ARMH4: variants seen among roughly 807,000 people sequenced by gnomAD.
The protein encoded by ARMH4 is armadillo like helical domain containing 4.
A neutral mutation model predicts 61.9 loss-of-function variants in ARMH4; 49 were observed. The ratio of observed to expected loss-of-function variants is 0.79; its 90% CI spans 0.63 to 1.00. ARMH4 has a LOEUF of 1.00. ARMH4 is among the 50% of genes least tolerant of loss of function. The probability of loss-of-function intolerance (pLI) is 0.00; values close to 1 mark genes in which losing one functional copy is unlikely to be tolerated. For missense variants in ARMH4, 934 were observed against 930.0 expected, an observed-to-expected ratio of 1.00 and a Z score of -0.06; for synonymous variants, 368 against 341.5, an observed-to-expected ratio of 1.08 and a Z score of -0.85.
intron 5 of ARMH4, among the ~76,000 whole-genome samples, chr14:58,082,872 C>A (rs746475152): frequency 3.9e-5 from 6 of 152,152 alleles, no homozygotes; most frequent in Non-Finnish European, 5.9e-5. Flanking sequence ...ACTGCCATCA[C>A]CCCCTGCCCC....
At chr14:58,148,685 C>A (rs773325290) in intron 1 of ARMH4, among the ~76,000 whole-genome samples, 1 of 152,056 alleles carries the variant, frequency 6.6e-6, no homozygotes, top group Non-Finnish European at 1.5e-5. Context: ...TTATTTTGTA[C>A]TGTAAGATTT....
At chr14:58,136,107 A>G (rs900981058) in intron 2 of ARMH4, among the ~76,000 whole-genome samples, 1 of 152,178 alleles carries the variant, frequency 6.6e-6, no homozygotes, top group African/African-American at 2.4e-5. Context: ...TTGAAAACAT[A>G]TTTATCGAGT....
intron 4 of ARMH4, among the ~76,000 whole-genome samples, chr14:58,127,705 G>A (rs1312117858): frequency 6.6e-6 from 1 of 152,112 alleles, no homozygotes; most frequent in Non-Finnish European, 1.5e-5. Flanking sequence ...TTGCAGAAGA[G>A]CTAACCCAGA....
intron 5 of ARMH4, among the ~76,000 whole-genome samples, chr14:58,022,799 C>T (rs1882886864): frequency 6.6e-6 from 1 of 152,172 alleles, no homozygotes. Flanking sequence ...TACATTAAAA[C>T]CAACCACAGA....
intron 5 of ARMH4, among the ~76,000 whole-genome samples, chr14:58,095,159 G>T (rs953013411): frequency 6.6e-6 from 1 of 152,100 alleles, no homozygotes; most frequent in African/African-American, 2.4e-5. Context: ...ACAATCCAGG[G>T]TAGATGCCAT....
rs1463212614 is a variant in ARMH4, at chr14:58,131,519, T to C, written c.1824A>G (p.Glu608=). ...CCTTCAAAGCATGAATACCTTCAGA[T>C]TCAAGTTGGTCCAGGCCATATGAGG... ...TAASYGLDQL[E]SEEGQEDEDE... is the part of the protein sequence containing the mutation. The change falls in exon 4 of 8, where the codon GAA becomes GAG. Residue 608 remains glutamate (E), a synonymous_variant. Coordinates refer to ENST00000267485, the MANE Select transcript of ARMH4 (RefSeq NM_001001872.4). The C allele has an allele frequency of 3.1e-6, 5 of 1,613,342 alleles. No homozygotes were observed. The highest frequency in any genetic ancestry group is 1.1e-5 in the South Asian group (1 of 91,022).
At chr14:58,028,063 C>T (rs1287463356) in intron 5 of ARMH4, among the ~76,000 whole-genome samples, 1 of 152,172 alleles carries the variant, frequency 6.6e-6, no homozygotes, top group African/African-American at 2.4e-5. Context: ...CTGGTAGCAA[C>T]TGTTCAACTA....
intron 5 of ARMH4, among the ~76,000 whole-genome samples, chr14:58,064,690 T>C (rs1246370003): frequency 6.6e-6 from 1 of 152,192 alleles, no homozygotes; most frequent in African/African-American, 2.4e-5. Flanking sequence ...TGTGATATTG[T>C]GCTAGGTGCC....
intron 4 of ARMH4, among the ~76,000 whole-genome samples, chr14:58,098,649 A>G (rs1282165081): frequency 6.6e-6 from 1 of 152,244 alleles, no homozygotes; most frequent in Non-Finnish European, 1.5e-5. Flanking sequence ...GGAAATGGCA[A>G]GGACCTAATC....
chr14:58,118,971 T>A (rs1886627625), intron 4 of ARMH4, among the ~76,000 whole-genome samples: 1 of 152,226 alleles, frequency 6.6e-6, no homozygotes, highest in Non-Finnish European at 1.5e-5. Flanking sequence ...AATCTCCTTC[T>A]GCTGCTAAAA....
intron 5 of ARMH4, among the ~76,000 whole-genome samples, chr14:58,016,058 C>T (rs1882600276): frequency 6.6e-6 from 1 of 151,820 alleles, no homozygotes; most frequent in South Asian, 2.1e-4. Context: ...ATTTGCAATC[C>T]ATATCAAAAG....
intron 5 of ARMH4, among the ~76,000 whole-genome samples, chr14:58,036,182 C>T (rs1883476994): frequency 1.1e-5 from 1 of 91,124 alleles, no homozygotes; most frequent in Admixed American, 1.0e-4. Flanking sequence ...TCCAGCAGCA[C>T]ATCAAAAAGC....
intron 5 of ARMH4, among the ~76,000 whole-genome samples, chr14:58,065,240 T>TA (rs1184695942): frequency 6.6e-6 from 1 of 151,822 alleles, no homozygotes; most frequent in Non-Finnish European, 1.5e-5. Context: ...GACTCCATCT[T>TA]AAAAAAAGAG....
chr14:58,076,121 G>A (rs189506342), intron 5 of ARMH4, among the ~76,000 whole-genome samples: 2,776 of 150,606 alleles, frequency 0.018, 41 homozygotes, highest in Non-Finnish European at 0.031. Context: ...GGAAGGGGAG[G>A]AGGAGGAGGA....
At chr14:58,050,858 C>G (rs535644317) in intron 5 of ARMH4, among the ~76,000 whole-genome samples, 4 of 152,026 alleles carry the variant, frequency 2.6e-5, no homozygotes, top group Non-Finnish European at 5.9e-5. Context: ...TCCTGGCAAC[C>G]ACCTGTTCTT....
chr14:58,102,347 G>C (rs1031173674), intron 4 of ARMH4, among the ~76,000 whole-genome samples: 1 of 152,172 alleles, frequency 6.6e-6, no homozygotes, highest in Non-Finnish European at 1.5e-5. Flanking sequence ...AGACAGCAGA[G>C]GGTGGAACGG....
intron 1 of ARMH4, among the ~76,000 whole-genome samples, chr14:58,151,359 C>T (rs1349166739): frequency 6.6e-6 from 1 of 152,120 alleles, no homozygotes; most frequent in East Asian, 1.9e-4. Flanking sequence ...CATTTGGGCA[C>T]CTCCGGCAGC....
In ARMH4 at chr14:58,133,189, G is replaced by A. The variant is rs1251301764; in HGVS notation, c.1522C>T (p.Pro508Ser). The A allele has an allele frequency of 6.2e-7, 1 of 1,614,138 alleles. No homozygotes were observed. The highest frequency in any genetic ancestry group is 1.3e-5 in the African/African-American group (1 of 75,032). Residue 508 changes from proline to serine, a missense_variant, in exon 3 of 8, where the codon CCT becomes TCT. By Grantham distance (74) the Pro-to-Ser change is moderately conservative. Transcript: ENST00000267485. ...CTTCTTGACAGCTGAGTAACACCAGGAACGTCAGACACAGGAGAGGGGTCC... is the reference window on the plus strand; with the variant it reads ...CTTCTTGACAGCTGAGTAACACCAGAAACGTCAGACACAGGAGAGGGGTCC... ...KEDPSPVSDV[P>S]GVTQLSRRWE...
chr14:58,123,391 C>T (rs1052878747), intron 4 of ARMH4, among the ~76,000 whole-genome samples: 2 of 152,094 alleles, frequency 1.3e-5, no homozygotes, highest in Non-Finnish European at 2.9e-5. Context: ...CCCCTTAGAC[C>T]CAAGGCTCAA....
Sources: allele counts gnomAD v4.1 joint callset (sites outside exome capture counted in the v4.1 genomes callset), GRCh38; gene constraint gnomAD v4.1.1; transcripts MANE v1.5; gene names NCBI Gene and HGNC (gene_info 2026-07-23, HGNC 2026-07-21).